Variants in FIGN observed in about 807,000 individuals in gnomAD.
The protein encoded by FIGN is fidgetin, microtubule severing factor, also known as fidgetin.
FIGN carries 11 observed loss-of-function variants against 51.3 expected under a neutral mutation model. The observed-to-expected ratio is 0.21, with a 90% CI of 0.13 to 0.35. The LOEUF is 0.35. FIGN is among the 10% of genes least tolerant of loss of function. The pLI is 1.00. For missense variants in FIGN, 857 were observed against 943.6 expected, an observed-to-expected ratio of 0.91 and a Z score of 1.20; for synonymous variants, 407 against 363.2, an observed-to-expected ratio of 1.12 and a Z score of -1.37.
intron 2 of FIGN, among the ~76,000 whole-genome samples, chr2:163,617,990 T>G (rs1682906872): frequency 1.3e-5 from 2 of 152,118 alleles, no homozygotes; most frequent in African/African-American, 4.8e-5. Flanking sequence ...CTCCCAGAAT[T>G]TATAAGTCAG....
chr2:163,634,112 G>GTT (rs1683190600), intron 2 of FIGN, among the ~76,000 whole-genome samples: 2 of 151,026 alleles, frequency 1.3e-5, no homozygotes, highest in Admixed American at 6.6e-5. Context: ...GTGTGTGTGT[G>GTT]TGTGTGTGTG....
rs1691240331 is a variant in FIGN, at chr2:163,610,984, G to A, written c.848C>T (p.Thr283Ile). Residue 283 changes from threonine (T) to isoleucine (I), a missense_variant, in exon 3 of 3, where the codon ACC (threonine) becomes ATC (isoleucine). Physicochemically the swap from Thr to Ile is moderately conservative, Grantham distance 89 (BLOSUM62 -1). Around this residue, in one of 3 missense-constraint regions of FIGN, gnomAD observed 799 missense variants for 849.5 expected, o/e 0.94. Coordinates refer to ENST00000333129, the MANE Select transcript of FIGN (RefSeq NM_018086.4). ...AGGAACAGTGGTGGGGGGTAGGGGG[G>A]TGGGAGCAGGAATTCCTGAAGGCAG... ...AYLPSGIPAP[T>I]PLPPTTVPGY... 1 of 1,613,694 alleles carries A rather than the reference G, an allele frequency of 6.2e-7. No homozygotes were observed.
rs749927162 is a variant in FIGN at position 163,611,232 on chromosome 2, G to A, written c.600C>T (p.Ser200=). The part of the protein sequence containing the change: ...NGSYLHSTYS[S]QPAPALPSPH... ...GTGAAGGAAGTGCAGGTGCTGGCTG[G>A]CTACTATAAGTAGAATGCAAATATG... The change falls in exon 3 of 3, where the codon AGC becomes AGT. Residue 200 remains serine, a synonymous_variant. Transcript: ENST00000333129. 6.2e-7 allele frequency: 1 copy of A among 1,614,118 alleles called. No homozygotes were observed. Among genetic ancestry groups the A allele is most frequent in the Non-Finnish European group, 8.5e-7 (1 of 1,180,022 alleles).
intron 2 of FIGN, among the ~76,000 whole-genome samples, chr2:163,728,987 G>A (rs543449926): frequency 5.3e-5 from 8 of 152,126 alleles, no homozygotes; most frequent in African/African-American, 1.4e-4. Context: ...AGAAACCCAC[G>A]GCTTCACATT....
intron 2 of FIGN, among the ~76,000 whole-genome samples, chr2:163,650,242 C>T (rs1683450025): frequency 1.3e-5 from 2 of 151,730 alleles, no homozygotes; most frequent in Non-Finnish European, 1.5e-5. Flanking sequence ...TATAGTGATA[C>T]ACTCAGGGAC....
rs71015599 is a variant in FIGN at position 163,660,879 on chromosome 2, A to ATTTT, written c.26-49077_26-49074dup. On this transcript the variant is annotated intron_variant, in intron 2 of 2. Transcript: ENST00000333129. ...TATACATATATATATATATATATATATTTTTTTTTTTTTTTTTTTTTTTTT... is the reference window on the plus strand; with the variant it reads ...TATACATATATATATATATATATATATTTTTTTTTTTTTTTTTTTTTTTTTTTTT... Among the ~76,000 whole-genome samples the ATTTT allele has an allele frequency of 3.0e-4, 2 of 6,670 alleles. 1 individual carries two copies. The highest frequency in any genetic ancestry group is 1.0e-3 in the African/African-American group (2 of 1,976). The allele number at this position is 6,670 out of a possible 152,430, so 4.4% of individuals were successfully genotyped here. A position where few individuals can be genotyped will look rare whatever the true frequency, so the allele number is the denominator to read the frequency against.
intron 2 of FIGN, among the ~76,000 whole-genome samples, chr2:163,651,263 C>T (rs1337476384): frequency 6.6e-6 from 1 of 152,122 alleles, no homozygotes; most frequent in Non-Finnish European, 1.5e-5. Context: ...GAGATTGAGA[C>T]TATCCTGGCT....
rs537924308 is a variant in FIGN at position 163,613,027 on chromosome 2, A to G, written c.26-1221T>C. Among the ~76,000 whole-genome samples, 4 of 152,248 alleles carry G rather than the reference A, an allele frequency of 2.6e-5. No individual in the cohort carries two copies. In the South Asian group the frequency reaches 8.3e-4, roughly 32 times the overall value. ...TTTCTCATTTAAGAAAAAAATACTAAGCAGTCAGAATAATTTGAATTTTAA... is the reference window on the plus strand; with the variant it reads ...TTTCTCATTTAAGAAAAAAATACTAGGCAGTCAGAATAATTTGAATTTTAA... On this transcript the variant is annotated intron_variant, in intron 2 of 2. Coordinates refer to ENST00000333129, the MANE Select transcript of FIGN (RefSeq NM_018086.4).
At chr2:163,616,859 A>G (rs1682886597) in intron 2 of FIGN, among the ~76,000 whole-genome samples, 1 of 152,170 alleles carries the variant, frequency 6.6e-6, no homozygotes, top group Non-Finnish European at 1.5e-5. Context: ...TAACATACAG[A>G]GCATTCAAAA....
Position 163,610,725 on chromosome 2 carries a change from A to G in FIGN, c.1107T>C (p.Ala369=), listed in dbSNP as rs756871385. ...TNRGNGFDRS[A]ETSSLAFKPT... ...GCTTAAATGCTAAGGATGATGTTTCAGCACTTCTGTCAAAGCCATTCCCCC... is the reference window on the plus strand; with the variant it reads ...GCTTAAATGCTAAGGATGATGTTTCGGCACTTCTGTCAAAGCCATTCCCCC... Residue 369 remains alanine, a synonymous_variant, in exon 3 of 3, where the codon GCT becomes GCC. Transcript: ENST00000333129. 10 of 1,614,188 alleles carry G rather than the reference A, an allele frequency of 6.2e-6. No individual in the cohort carries two copies. The highest frequency in any genetic ancestry group is 1.7e-5 in the Admixed American group (1 of 60,024).
chr2:163,676,467 A>ATAACTAGT (rs1683969595), intron 2 of FIGN, among the ~76,000 whole-genome samples: 1 of 107,778 alleles, frequency 9.3e-6, no homozygotes, highest in Non-Finnish European at 1.9e-5. Context: ...ATATATATAT[A>ATAACTAGT]TATATATATA....
chr2:163,650,552 C>A (rs1442620637), intron 2 of FIGN, among the ~76,000 whole-genome samples: 1 of 152,074 alleles, frequency 6.6e-6, no homozygotes, highest in Non-Finnish European at 1.5e-5. Flanking sequence ...GCCCCCAACC[C>A]CCAACAGGCC....
chr2:163,709,054 G>A lies in FIGN; in HGVS notation c.25+25849C>T, dbSNP rs73974381. On this transcript the variant is annotated intron_variant, in intron 2 of 2. Transcript: ENST00000333129. ...AATGGGTGTCCTTATGCATACCAGA[G>A]TGTAAGTCTTCATACATTCTGATGC... 3.4e-3 allele frequency among the ~76,000 whole-genome samples: 520 copies of A among 152,286 alleles called. 3 individuals carry two copies. The highest frequency in any genetic ancestry group is 0.012 in the African/African-American group (502 of 41,556).
intron 2 of FIGN, among the ~76,000 whole-genome samples, chr2:163,651,393 T>A (rs924856122): frequency 6.6e-6 from 1 of 151,914 alleles, no homozygotes; most frequent in Non-Finnish European, 1.5e-5. Context: ...ACCTGGGAGG[T>A]TGCAGTGAGC....
At chr2:163,676,484 A>ATATATATATATATATAT (rs1491432139) in intron 2 of FIGN, among the ~76,000 whole-genome samples, 12 of 55,730 alleles carry the variant, frequency 2.2e-4, no homozygotes, top group African/African-American at 6.0e-4. Context: ...TATATATATA[A>ATATATATATATATATAT]CTAGAGTCTG....
chr2:163,719,931 C>G (rs1053923879), intron 2 of FIGN, among the ~76,000 whole-genome samples: 3 of 152,102 alleles, frequency 2.0e-5, no homozygotes, highest in Non-Finnish European at 4.4e-5. Flanking sequence ...TTTCTAGAAG[C>G]AACTTATTAT....
chr2:163,729,350 A>C (rs964479114), intron 2 of FIGN, among the ~76,000 whole-genome samples: 1 of 152,306 alleles, frequency 6.6e-6, no homozygotes, highest in Admixed American at 6.5e-5. Context: ...AAATACCAGC[A>C]GAAATTAAAA....
At chr2:163,647,427 G>C (rs1683399484) in intron 2 of FIGN, among the ~76,000 whole-genome samples, 1 of 152,128 alleles carries the variant, frequency 6.6e-6, no homozygotes, top group African/African-American at 2.4e-5. Context: ...GACAAAAGCA[G>C]GGGAAAATAT....
intron 2 of FIGN, among the ~76,000 whole-genome samples, chr2:163,692,987 C>T (rs1357881518): frequency 2.0e-5 from 3 of 152,212 alleles, no homozygotes; most frequent in African/African-American, 4.8e-5. Context: ...GTCAGGCAAG[C>T]GCCTTGGTAC....
Sources: gnomAD v4.1 joint callset for allele counts (sites outside exome capture counted in the v4.1 genomes callset) on GRCh38, gnomAD v4.1.1 for gene constraint, gnomAD v4.1.1 regional missense constraint, MANE v1.5 for transcripts, NCBI Gene and HGNC (gene_info 2026-07-23, HGNC 2026-07-21) for gene names.